Variants in CACNG7 observed in about 807,000 individuals in gnomAD.
CACNG7 encodes voltage-dependent calcium channel gamma-7 subunit.
CACNG7 carries 9 observed loss-of-function variants against 26.3 expected under a neutral mutation model. That is an observed-to-expected ratio of 0.34 (90% CI 0.21 to 0.60). CACNG7 has a LOEUF of 0.60. Ranked by LOEUF, CACNG7 falls within the 20% of genes least tolerant of loss-of-function variation. CACNG7 has a pLI of 0.81. For synonymous variants in CACNG7, 170 were observed against 157.0 expected (o/e 1.08, Z -0.62); for missense variants, 297 against 380.4 (o/e 0.78, Z 1.82).
intron 4 of CACNG7, among the ~76,000 whole-genome samples, chr19:53,924,222 C>T (rs1406198362): frequency 3.2e-5 from 3 of 95,196 alleles, no homozygotes; most frequent in South Asian, 3.5e-4. Context: ...GTCATTGGTG[C>T]AGTTGCCCCA....
intron 3 of CACNG7, 91 bp from the exon 4 acceptor site, chr19:53,915,274 G>T: frequency 2.1e-6 from 2 of 942,218 alleles, no homozygotes; most frequent in Middle Eastern, 4.9e-4. Flanking sequence ...AAACAAAAAC[G>T]CAGAGGTGGT....
At chr19:53,910,482 T>C (rs2145894756) in intron 1 of CACNG7, among the ~76,000 whole-genome samples, 1 of 152,138 alleles carries the variant, frequency 6.6e-6, no homozygotes, top group East Asian at 1.9e-4. Context: ...GTTAGAAGAA[T>C]TCTGGTGAAG....
chr19:53,931,150 C>T (rs1340118393), intron 4 of CACNG7, among the ~76,000 whole-genome samples: 1 of 151,992 alleles, frequency 6.6e-6, no homozygotes, highest in Non-Finnish European at 1.5e-5. Flanking sequence ...AAGCTGAGAT[C>T]GTGCCACTAC....
intron 4 of CACNG7, among the ~76,000 whole-genome samples, chr19:53,918,934 A>G (rs1415700123): frequency 6.6e-6 from 1 of 152,032 alleles, no homozygotes; most frequent in Non-Finnish European, 1.5e-5. Context: ...GCACCCGGCT[A>G]ATTTTTTGTA....
chr19:53,923,847 C>T (rs1446184899), intron 4 of CACNG7, among the ~76,000 whole-genome samples: 52 of 134,518 alleles, frequency 3.9e-4, no homozygotes, highest in African/African-American at 1.5e-3. Context: ...TGGAGTTGCC[C>T]CAGGCCTGGT....
rs947078389 is a variant in CACNG7 at position 53,927,403 on chromosome 19, G to A, written c.424+11898G>A. Among the ~76,000 whole-genome samples the A allele has an allele frequency of 5.9e-5, 9 of 152,192 alleles. No individual in the cohort carries two copies. The East Asian group carries it at 9.6e-4, about 16-fold the overall frequency. Reference sequence around the variant, plus strand: ...GACATAGTAGGGTGCTCTGGAGAGGGTGAGAGAGACCAGGGAGGGCTCCCA... The same window carrying A: ...GACATAGTAGGGTGCTCTGGAGAGGATGAGAGAGACCAGGGAGGGCTCCCA... On this transcript the variant is annotated intron_variant, in intron 4 of 5. Transcript: ENST00000391767.
At chr19:53,929,732 C>A (rs1568780958) in intron 4 of CACNG7, among the ~76,000 whole-genome samples, 1 of 152,116 alleles carries the variant, frequency 6.6e-6, no homozygotes, top group Non-Finnish European at 1.5e-5. Context: ...CCTGAACCAC[C>A]ACGCCCAGCC....
chr19:53,923,549 T>TCCCAGGTCTGGTCATTGGTGGATTTGC (rs2068986390), intron 4 of CACNG7, among the ~76,000 whole-genome samples: 22 of 55,386 alleles, frequency 4.0e-4, no homozygotes, highest in African/African-American at 1.6e-3. Flanking sequence ...GGTGGAGTTG[T>TCCCAGGTCTGGTCATTGGTGGATTTGC]CCCAGGTCTG....
At chr19:53,915,025 A>T in intron 3 of CACNG7, among the ~76,000 whole-genome samples, 2 of 146,144 alleles carry the variant, frequency 1.4e-5, no homozygotes. Flanking sequence ...AATAAATAAA[A>T]GGAAGGAAGA....
At position 53,942,530 on chromosome 19, in the gene CACNG7, C is replaced by T. The variant is rs1174985704; in HGVS notation, c.*237C>T. The T allele has an allele frequency of 1.7e-5, 24 of 1,392,636 alleles. No homozygotes were observed. The highest frequency in any genetic ancestry group is 3.1e-5 in the Admixed American group (1 of 32,334). 86.3% of individuals were successfully genotyped at this position (1,392,636 alleles called of 1,614,324 possible). A position where few individuals can be genotyped will look rare whatever the true frequency, so the allele number is the denominator to read the frequency against. On this transcript the variant is annotated 3_prime_UTR_variant, in exon 6 of 6. Transcript: ENST00000391767. The surrounding 1 kb of genome is among the most constrained non-coding windows in gnomAD (Gnocchi z 5.9). ...ATTGGTCCCTCTCACTCCCAAATGA[C>T]TCCTCCCCTTCGTTGGCCCGCCCCT...
At chr19:53,921,883 C>G (rs1238435584) in intron 4 of CACNG7, among the ~76,000 whole-genome samples, 3 of 77,298 alleles carry the variant, frequency 3.9e-5, no homozygotes, top group Non-Finnish European at 6.4e-5. Flanking sequence ...TTGTCCCAGG[C>G]TGGTCATTGG....
chr19:53,925,501 T>C (rs2069021829), intron 4 of CACNG7, among the ~76,000 whole-genome samples: 1 of 149,760 alleles, frequency 6.7e-6, no homozygotes, highest in African/African-American at 2.5e-5. Context: ...ATTGGTGGAC[T>C]TGCCCCAGGC....
At chr19:53,913,876 G>T (rs1039255004) in intron 2 of CACNG7, among the ~76,000 whole-genome samples, 6 of 149,888 alleles carry the variant, frequency 4.0e-5, no homozygotes, top group African/African-American at 1.5e-4. Context: ...CCCAGACCTC[G>T]TCCTCTTTAG....
chr19:53,912,917 G>C lies in CACNG7; in HGVS notation c.86G>C (p.Ser29Thr), dbSNP rs1225649599. The C allele has an allele frequency of 6.2e-7, 1 of 1,614,120 alleles. No individual in the cohort carries two copies. The highest frequency in any genetic ancestry group is 8.5e-7 in the Non-Finnish European group (1 of 1,180,026). ...CTGCTCCTGGTAGGCATCGCGGTCA[G>C]CACTGACTACTGGCTGTACATGGAA... ...CGLLLVGIAV[S>T]TDYWLYMEEG... Residue 29 changes from serine (S) to threonine (T), a missense_variant, in exon 2 of 6, where the codon AGC (serine) becomes ACC (threonine). Ser to Thr is a moderately conservative substitution (Grantham distance 58). Transcript: ENST00000391767. This position sits in a 1 kb window ranked among gnomAD's most constrained non-coding sequence, Gnocchi z 4.6.
intron 4 of CACNG7, among the ~76,000 whole-genome samples, chr19:53,921,741 G>GC (rs1176025620): frequency 1.5e-5 from 1 of 65,336 alleles, no homozygotes; most frequent in Admixed American, 1.3e-4. Flanking sequence ...TGGTGGAGTT[G>GC]CCCCAGGTCT....
At chr19:53,918,005 G>T (rs935268320) in intron 4 of CACNG7, among the ~76,000 whole-genome samples, 1 of 152,202 alleles carries the variant, frequency 6.6e-6, no homozygotes, top group African/African-American at 2.4e-5. Context: ...TAATTCGGAA[G>T]AGATTGAATC....
intron 3 of CACNG7, 44 bp downstream of exon 3, chr19:53,914,630 C>T: frequency 1.3e-6 from 2 of 1,560,196 alleles, no homozygotes; most frequent in Admixed American, 1.7e-5. Context: ...AGCAAGATCA[C>T]AGCCGAGTCG....
At chr19:53,925,563 TCTGGTCATTGGTGGACTTGCCCCAGG>T (rs71191716) in intron 4 of CACNG7, among the ~76,000 whole-genome samples, 2 of 123,128 alleles carry the variant, frequency 1.6e-5, no homozygotes, top group African/African-American at 3.4e-5. Context: ...TTGCCCCAGG[TCTGGTCATTGGTGGACTTGCCCCAGG>T]CTGGTCATTG....
intron 1 of CACNG7, among the ~76,000 whole-genome samples, chr19:53,911,900 G>A (rs1412331636): frequency 6.6e-6 from 1 of 152,192 alleles, no homozygotes; most frequent in Non-Finnish European, 1.5e-5. Context: ...CAAATCTTGA[G>A]TGTAAACTTC....
Sources: gnomAD v4.1 joint callset for allele counts (sites outside exome capture counted in the v4.1 genomes callset) on GRCh38, gnomAD v4.1.1 for gene constraint, Gnocchi (gnomAD v3.1) non-coding constraint, MANE v1.5 for transcripts, NCBI Gene and HGNC (gene_info 2026-07-23, HGNC 2026-07-21) for gene names.